Variants in EYS observed in about 807,000 individuals in gnomAD.
EYS encodes the protein protein eyes shut homolog.
Under a neutral mutation model 282.1 loss-of-function variants are expected in EYS, and 250 were observed. The observed-to-expected ratio is 0.89, with a 90% CI of 0.80 to 0.98. The LOEUF is 0.98. Among genes scored for constraint, EYS ranks in the 50% least tolerant of loss-of-function variants. The pLI, the probability that EYS is intolerant of heterozygous loss-of-function variation, is 0.00. For synonymous variants in EYS, 1,355 were observed against 1,282.9 expected (o/e 1.06, Z -1.20); for missense variants, 4,016 against 3,709.0 (o/e 1.08, Z -2.15).
chr6:64,568,923 G>A (rs1765635996), intron 26 of EYS, among the ~76,000 whole-genome samples: 1 of 148,798 alleles, frequency 6.7e-6, no homozygotes, highest in South Asian at 2.2e-4. Context: ...CAAACAGAAA[G>A]GAATAGCATC....
intron 32 of EYS, among the ~76,000 whole-genome samples, chr6:64,079,775 A>G (rs142288790): frequency 0.029 from 4,384 of 152,126 alleles, 69 homozygotes; most frequent in Non-Finnish European, 0.046. Flanking sequence ...TCCTGTGTCC[A>G]AGTGTTCTCA....
At chr6:65,410,716 A>T (rs2150369562) in intron 5 of EYS, among the ~76,000 whole-genome samples, 1 of 151,644 alleles carries the variant, frequency 6.6e-6, no homozygotes, top group East Asian at 1.9e-4. Context: ...AAAGGAATTG[A>T]AGTCAGTATA....
At chr6:64,040,197 A>G (rs1249820804) in intron 33 of EYS, among the ~76,000 whole-genome samples, 1 of 152,272 alleles carries the variant, frequency 6.6e-6, no homozygotes, top group Non-Finnish European at 1.5e-5. Flanking sequence ...TGAAGCTACT[A>G]TATTTAAATC....
At chr6:65,212,336 G>T (rs1441569324) in intron 12 of EYS, among the ~76,000 whole-genome samples, 2 of 152,038 alleles carry the variant, frequency 1.3e-5, no homozygotes, top group Non-Finnish European at 2.9e-5. Flanking sequence ...AATTGAAACA[G>T]AGGAAGTAAT....
At chr6:64,373,104 C>A (rs770802258) in intron 29 of EYS, among the ~76,000 whole-genome samples, 1 of 152,154 alleles carries the variant, frequency 6.6e-6, no homozygotes, top group Admixed American at 6.5e-5. Flanking sequence ...TGCTAGGGAG[C>A]TATTGTGGTT....
At chr6:65,443,101 A>G (rs1002507464) in intron 5 of EYS, among the ~76,000 whole-genome samples, 1 of 151,552 alleles carries the variant, frequency 6.6e-6, no homozygotes, top group Non-Finnish European at 1.5e-5. Context: ...GCATATGCAT[A>G]TACATATATG....
chr6:63,886,233 T>A (rs1773257733), intron 35 of EYS, among the ~76,000 whole-genome samples: 1 of 152,244 alleles, frequency 6.6e-6, no homozygotes, highest in African/African-American at 2.4e-5. Context: ...TTTATCTATT[T>A]TATTTCAAGG....
At chr6:65,222,063 T>A (rs1415444169) in intron 12 of EYS, among the ~76,000 whole-genome samples, 1 of 152,202 alleles carries the variant, frequency 6.6e-6, no homozygotes, top group Non-Finnish European at 1.5e-5. Context: ...ACTAACTTGC[T>A]TTTGATTTTT....
At chr6:63,735,166 C>G (rs566862248) in intron 41 of EYS, among the ~76,000 whole-genome samples, 1 of 152,102 alleles carries the variant, frequency 6.6e-6, no homozygotes, top group Non-Finnish European at 1.5e-5. Context: ...ACCTTTGAAG[C>G]TTTTGTTTTG....
intron 24 of EYS, among the ~76,000 whole-genome samples, chr6:64,603,070 T>C (rs1183572897): frequency 1.3e-5 from 2 of 151,998 alleles, no homozygotes; most frequent in South Asian, 2.1e-4. Flanking sequence ...ATATGTAATA[T>C]CATGGATGCT....
At chr6:65,188,928 C>T (rs1414404299) in intron 12 of EYS, among the ~76,000 whole-genome samples, 4 of 151,596 alleles carry the variant, frequency 2.6e-5, no homozygotes, top group African/African-American at 9.7e-5. Flanking sequence ...CCATTTTAAT[C>T]TTCTGAGGTA....
chr6:65,216,926 T>C (rs1766330010), intron 12 of EYS, among the ~76,000 whole-genome samples: 1 of 151,962 alleles, frequency 6.6e-6, no homozygotes, highest in Admixed American at 6.6e-5. Context: ...ATCACAAAAT[T>C]AGTGAAAACC....
intron 35 of EYS, among the ~76,000 whole-genome samples, chr6:63,899,574 G>T (rs912251677): frequency 6.6e-6 from 1 of 152,156 alleles, no homozygotes; most frequent in African/African-American, 2.4e-5. Context: ...AATTTTGCCT[G>T]TACCCAGAAC....
chr6:65,692,603 A>C (rs1002735548), intron 1 of EYS, among the ~76,000 whole-genome samples: 24 of 150,234 alleles, frequency 1.6e-4, no homozygotes, highest in African/African-American at 4.8e-4. Context: ...ATATAAATGG[A>C]AAGTATAATT....
chr6:65,572,025 T>G (rs914252503), intron 2 of EYS, among the ~76,000 whole-genome samples: 3 of 152,032 alleles, frequency 2.0e-5, no homozygotes, highest in African/African-American at 7.2e-5. Context: ...TTACCTAAAA[T>G]GAGAAAGGAA....
chr6:64,555,883 C>A lies in EYS; in HGVS notation c.5644+34340G>T, dbSNP rs545395688. Among the ~76,000 whole-genome samples the A allele has an allele frequency of 3.1e-3, 477 of 151,832 alleles. 3 individuals carry two copies. Among genetic ancestry groups the A allele is most frequent in the African/African-American group, 0.011 (443 of 41,490 alleles). On this transcript the variant is annotated intron_variant, in intron 26 of 42. Transcript: ENST00000503581. ...ACCACAAGGATAGCAAAAATTAAAA[C>A]AAGAACAAAAGCAGACATTAAAAAC... is the stretch of plus-strand genomic sequence containing the variant.
intron 26 of EYS, among the ~76,000 whole-genome samples, chr6:64,584,394 T>G (rs2149826698): frequency 6.6e-6 from 1 of 151,596 alleles, no homozygotes; most frequent in East Asian, 1.9e-4. Flanking sequence ...GTTTTCCAAT[T>G]TTTAAAATTT....
At chr6:64,692,977 C>CTTTTTTTTTGTTTT (rs1770441268) in intron 22 of EYS, among the ~76,000 whole-genome samples, 1 of 11,496 alleles carries the variant, frequency 8.7e-5, no homozygotes, top group Non-Finnish European at 1.6e-4. Flanking sequence ...GCTGCTTGGG[C>CTTTTTTTTTGTTTT]TTTTTTTTTT....
At chr6:65,267,672 C>CA (rs1767794329) in intron 12 of EYS, among the ~76,000 whole-genome samples, 1 of 151,920 alleles carries the variant, frequency 6.6e-6, no homozygotes, top group African/African-American at 2.4e-5. Flanking sequence ...TAAGCGAGAA[C>CA]ACAGGTTCGT....
Sources: allele counts gnomAD v4.1 joint callset (sites outside exome capture counted in the v4.1 genomes callset), GRCh38; gene constraint gnomAD v4.1.1; transcripts MANE v1.5; gene names NCBI Gene and HGNC (gene_info 2026-07-23, HGNC 2026-07-21).